The following RELN variants were observed in gnomAD, a reference collection of about 807,000 sequenced individuals.
RELN encodes reelin.
RELN carries 108 observed loss-of-function variants against 427.6 expected under a neutral mutation model. That is an observed-to-expected ratio of 0.25 (90% CI 0.22 to 0.30). The LOEUF (loss-of-function observed/expected upper bound fraction) is 0.30, where lower values mean the gene tolerates loss of function less well. Ranked by LOEUF, RELN falls within the 10% of genes least tolerant of loss-of-function variation. RELN has a pLI of 1.00. For synonymous variants in RELN, 1,524 were observed against 1,513.4 expected, an observed-to-expected ratio of 1.01 and a Z score of -0.16; for missense variants, 3,715 against 4,302.8, an observed-to-expected ratio of 0.86 and a Z score of 3.82.
chr7:103,713,737 C>A (rs1789863366), intron 8 of RELN, among the ~76,000 whole-genome samples: 1 of 151,372 alleles, frequency 6.6e-6, no homozygotes, highest in African/African-American at 2.4e-5. Context: ...TCTTACTCTA[C>A]CTCCCCAAAA....
At chr7:103,757,994 T>C (rs970755710) in intron 4 of RELN, among the ~76,000 whole-genome samples, 11 of 152,204 alleles carry the variant, frequency 7.2e-5, no homozygotes, top group Non-Finnish European at 1.3e-4. Flanking sequence ...GAAGTGAATA[T>C]TTTTTCTGTA....
chr7:103,856,814 ATTTT>A, intron 2 of RELN, among the ~76,000 whole-genome samples: 2 of 151,976 alleles, frequency 1.3e-5, no homozygotes, highest in South Asian at 4.2e-4. Flanking sequence ...CTATTAGCAA[ATTTT>A]TTTATCATGC....
At chr7:103,611,535 A>ATT in intron 21 of RELN, 76 bp downstream of exon 21, 4 of 876,916 alleles carry the variant, frequency 4.6e-6, no homozygotes, top group South Asian at 1.6e-5. Context: ...CTAGAACTGT[A>ATT]ATTTTTTTTT....
intron 3 of RELN, among the ~76,000 whole-genome samples, chr7:103,786,503 C>A (rs1265347219): frequency 1.5e-4 from 12 of 82,382 alleles, no homozygotes; most frequent in Non-Finnish European, 1.9e-4. Flanking sequence ...AAAGATTTAC[C>A]AAGAAAATGG....
intron 3 of RELN, among the ~76,000 whole-genome samples, chr7:103,818,678 G>A (rs576541915): frequency 3.4e-4 from 52 of 152,066 alleles, no homozygotes; most frequent in Non-Finnish European, 6.3e-4. Flanking sequence ...GTGAGTATTG[G>A]AAACAAGCAA....
At position 103,593,737 on chromosome 7, in the gene RELN, C is replaced by G. The variant is rs776232060; in HGVS notation, c.3857G>C (p.Arg1286Pro). 1 of 1,614,010 alleles carries G rather than the reference C, an allele frequency of 6.2e-7. No individual in the cohort carries two copies. The highest frequency in any genetic ancestry group is 1.1e-5 in the South Asian group (1 of 91,072). The part of the protein sequence containing the change: ...AMIFGKSDGD[R>P]FAVTRDLTLK... ...GGTCAAATCTCGAGTTACTGCAAAT[C>G]GATCTCCATCTGATTTTCCAAATAT... Residue 1286 changes from arginine to proline, a missense_variant, in exon 27 of 65, where the codon CGA (arginine) becomes CCA (proline). Arg to Pro is a moderately radical substitution (Grantham distance 103, BLOSUM62 -2). Coordinates refer to ENST00000428762, the MANE Select transcript of RELN (RefSeq NM_005045.4).
intron 4 of RELN, among the ~76,000 whole-genome samples, chr7:103,775,733 A>G (rs904186617): frequency 6.6e-6 from 1 of 152,250 alleles, no homozygotes; most frequent in African/African-American, 2.4e-5. Context: ...ATCAAGGAAT[A>G]TATGTACAGC....
chr7:103,863,582 G>A (rs1794122488), intron 2 of RELN, among the ~76,000 whole-genome samples: 1 of 152,040 alleles, frequency 6.6e-6, no homozygotes, highest in South Asian at 2.1e-4. Context: ...CATCTTCACA[G>A]GACACTAACC....
At chr7:103,653,951 A>G in intron 13 of RELN, 142 bp downstream of exon 13, 1 of 667,508 alleles carries the variant, frequency 1.5e-6, no homozygotes, top group Non-Finnish European at 2.7e-6. Context: ...TGTCTATTTC[A>G]CTTTTAAAGA....
rs187079099 is a variant in RELN, at chr7:103,504,040, C to T, written c.8275-810G>A. Reference sequence around the variant, plus strand: ...CCAACATGGTGAAACCCTGTCTCTACTAAAAATACAAAAATTAGCTGGGCA... The same window carrying T: ...CCAACATGGTGAAACCCTGTCTCTATTAAAAATACAAAAATTAGCTGGGCA... On this transcript the variant is annotated intron_variant, in intron 51 of 64. Transcript: ENST00000428762. Among the ~76,000 whole-genome samples the T allele has an allele frequency of 5.5e-4, 84 of 152,074 alleles. 1 individual carries two copies. Among genetic ancestry groups the T allele is most frequent in the African/African-American group, 2.0e-3 (83 of 41,492 alleles).
In RELN at chr7:103,866,687, T is replaced by C. The variant is rs180712691; in HGVS notation, c.338-33015A>G. 5.8e-4 allele frequency among the ~76,000 whole-genome samples: 89 copies of C among 152,206 alleles called. 1 individual carries two copies. Among genetic ancestry groups the C allele is most frequent in the African/African-American group, 2.0e-3 (85 of 41,542 alleles). On this transcript the variant is annotated intron_variant, in intron 2 of 64. Coordinates refer to ENST00000428762, the MANE Select transcript of RELN (RefSeq NM_005045.4). ...TTATAACATGTATCCCAAGATGTCT[T>C]TATTTTACAAAATAATGCACTAATT...
intron 6 of RELN, among the ~76,000 whole-genome samples, chr7:103,744,783 A>G (rs933073549): frequency 4.9e-5 from 7 of 144,188 alleles, no homozygotes; most frequent in Non-Finnish European, 9.0e-5. Context: ...ATAGCTTACC[A>G]ACCAAAAAAA....
chr7:103,550,331 G>C (rs1278684841), intron 41 of RELN, among the ~76,000 whole-genome samples: 3 of 152,122 alleles, frequency 2.0e-5, no homozygotes, highest in Non-Finnish European at 4.4e-5. Flanking sequence ...CATCTTGAAA[G>C]TATGATATTA....
At chr7:103,760,263 AG>A (rs1791265393) in intron 4 of RELN, among the ~76,000 whole-genome samples, 1 of 151,896 alleles carries the variant, frequency 6.6e-6, no homozygotes, top group East Asian at 1.9e-4. Flanking sequence ...TAAAAAAAAA[AG>A]CTTCATTTCT....
rs761288381 is a variant in RELN at position 103,682,211 on chromosome 7, G to A, written c.1194C>T (p.Gly398=). The change falls in exon 11 of 65, where the codon GGC becomes GGT. Residue 398 remains glycine, a synonymous_variant. Coordinates refer to ENST00000428762, the MANE Select transcript of RELN (RefSeq NM_005045.4). ...GNSIYFHGNE[G]SEFNFATTRD... ...TGGTGGTGGCAAAATTGAACTCGCT[G>A]CCTTCATTTCCATGGAAATAAATGG... is the stretch of plus-strand genomic sequence containing the variant. 9 of 1,613,942 alleles carry A rather than the reference G, an allele frequency of 5.6e-6. No individual in the cohort carries two copies. The South Asian group carries it at 9.9e-5, about 18-fold the overall frequency.
At chr7:103,721,810 TTA>T (rs1790083199) in intron 8 of RELN, among the ~76,000 whole-genome samples, 1 of 152,186 alleles carries the variant, frequency 6.6e-6, no homozygotes. Flanking sequence ...ATTATTCAGC[TTA>T]TGTTATATAT....
intron 6 of RELN, among the ~76,000 whole-genome samples, chr7:103,746,818 A>G (rs1176419900): frequency 2.0e-5 from 3 of 150,918 alleles, no homozygotes; most frequent in African/African-American, 7.4e-5. Flanking sequence ...TGTTGGTGGG[A>G]CTGTAAACTA....
chr7:103,772,649 G>A (rs555764345), intron 4 of RELN, among the ~76,000 whole-genome samples: 25 of 152,236 alleles, frequency 1.6e-4, no homozygotes, highest in African/African-American at 5.3e-4. Flanking sequence ...CTGACAGCCC[G>A]AGTTAGACAG....
chr7:103,600,598 T>C (rs982895517), intron 24 of RELN, among the ~76,000 whole-genome samples: 1 of 152,180 alleles, frequency 6.6e-6, no homozygotes, highest in South Asian at 2.1e-4. Flanking sequence ...TAAGCCCTCC[T>C]TGTGTTTTCC....
Sources: allele counts gnomAD v4.1 joint callset (sites outside exome capture counted in the v4.1 genomes callset), GRCh38; gene constraint gnomAD v4.1.1; transcripts MANE v1.5; gene names NCBI Gene and HGNC (gene_info 2026-07-23, HGNC 2026-07-21).